Variants in C2orf42 observed in about 807,000 individuals in gnomAD.
C2orf42 encodes the protein uncharacterized protein C2orf42.
C2orf42 carries 44 observed loss-of-function variants against 58.9 expected under a neutral mutation model. The ratio of observed to expected loss-of-function variants is 0.75; its 90% confidence interval spans 0.59 to 0.96. C2orf42 has a LOEUF of 0.96. C2orf42 is among the 40% of genes least tolerant of loss of function. The pLI is 0.00. For synonymous variants in C2orf42, 239 were observed against 265.4 expected (o/e 0.90, Z 0.97); for missense variants, 630 against 699.2 (o/e 0.90, Z 1.12).
intron 1 of C2orf42, among the ~76,000 whole-genome samples, chr2:70,187,391 C>T (rs1675017715): frequency 6.6e-6 from 1 of 151,996 alleles, no homozygotes; most frequent in Admixed American, 6.6e-5. Flanking sequence ...GCGGGGATTA[C>T]AGGTACCTGC....
chr2:70,178,044 A>AAAAC (rs918925609), intron 4 of C2orf42, among the ~76,000 whole-genome samples: 17 of 152,258 alleles, frequency 1.1e-4, no homozygotes, highest in East Asian at 3.9e-4. Flanking sequence ...CATCTCTTAA[A>AAAAC]AAACAAACAA....
At chr2:70,151,094 G>C (rs1672282791) in intron 9 of C2orf42, among the ~76,000 whole-genome samples, 1 of 152,200 alleles carries the variant, frequency 6.6e-6, no homozygotes, top group Non-Finnish European at 1.5e-5. Context: ...GTTCATGCCT[G>C]TAATCCCAAC....
intron 5 of C2orf42, among the ~76,000 whole-genome samples, chr2:70,173,267 C>CTTTTTTTTTT (rs202063318): frequency 4.2e-5 from 4 of 95,750 alleles, no homozygotes; most frequent in African/African-American, 1.9e-4. Context: ...TGCGTAAGTT[C>CTTTTTTTTTT]TTTTTTTTTT....
At chr2:70,159,354 G>A (rs898544727) in intron 9 of C2orf42, among the ~76,000 whole-genome samples, 6 of 151,810 alleles carry the variant, frequency 4.0e-5, no homozygotes, top group Non-Finnish European at 7.4e-5. Flanking sequence ...TTGGGGGGCC[G>A]AGGTGGGCAG....
chr2:70,162,897 C>CGATCTTT (rs1673150968), intron 8 of C2orf42, among the ~76,000 whole-genome samples: 1 of 152,152 alleles, frequency 6.6e-6, no homozygotes. Context: ...GACGAAGTCT[C>CGATCTTT]GATCTTGTCC....
At chr2:70,153,605 C>T (rs1672450552) in intron 9 of C2orf42, among the ~76,000 whole-genome samples, 2 of 149,348 alleles carry the variant, frequency 1.3e-5, no homozygotes, top group South Asian at 2.1e-4. Flanking sequence ...GTGATCCACC[C>T]GCCTTGGCCT....
intron 4 of C2orf42, among the ~76,000 whole-genome samples, chr2:70,179,267 A>G (rs1340101998): frequency 6.9e-6 from 1 of 144,788 alleles, no homozygotes; most frequent in Non-Finnish European, 1.5e-5. Context: ...ACCCATAAGA[A>G]CAAAAACATA....
At chr2:70,174,159 T>G (rs960928309) in intron 5 of C2orf42, among the ~76,000 whole-genome samples, 2 of 151,910 alleles carry the variant, frequency 1.3e-5, no homozygotes, top group African/African-American at 4.8e-5. Flanking sequence ...AATACAAAAA[T>G]TAGCCGGGCA....
rs1412350389 is a variant in C2orf42 at position 70,165,521 on chromosome 2, C to T, written c.1252+7G>A. The T allele has an allele frequency of 2.1e-6, 3 of 1,453,282 alleles. No homozygotes were observed. Among genetic ancestry groups the T allele is most frequent in the Non-Finnish European group, 2.9e-6 (3 of 1,033,550 alleles). 90.0% of individuals were successfully genotyped at this position (1,453,282 alleles called of 1,614,324 possible). Reference sequence around the variant, plus strand: ...ATCCATCACTATACCAAAGGGAAATCCTGTACCTGTGGTGGAGTTGGGGAG... The same window carrying T: ...ATCCATCACTATACCAAAGGGAAATTCTGTACCTGTGGTGGAGTTGGGGAG... On this transcript the variant is annotated splice_region_variant and intron_variant, in intron 7 of 9. Coordinates refer to ENST00000264434, the MANE Select transcript of C2orf42 (RefSeq NM_017880.3).
At chr2:70,161,701 G>A (rs138645546) in intron 8 of C2orf42, among the ~76,000 whole-genome samples, 3,740 of 152,042 alleles carry the variant, frequency 0.025, 159 homozygotes, top group African/African-American at 0.086. Flanking sequence ...TTAGCCAGGC[G>A]TGGTGGCAGA....
chr2:70,168,880 T>C lies in C2orf42; in HGVS notation c.1144+677A>G, dbSNP rs147261108. On this transcript the variant is annotated intron_variant, in intron 6 of 9. Coordinates refer to ENST00000264434, the MANE Select transcript of C2orf42 (RefSeq NM_017880.3). Reference sequence around the variant, plus strand: ...GGCACCCACTATAATGCCTGGCTAATTGTTTTGTATTTTTAGTAGAGATAG... The same window carrying C: ...GGCACCCACTATAATGCCTGGCTAACTGTTTTGTATTTTTAGTAGAGATAG... 1.8e-3 allele frequency among the ~76,000 whole-genome samples: 273 copies of C among 151,966 alleles called. 9 individuals carry two copies. In the East Asian group the frequency reaches 0.049, roughly 27 times the overall value.
intron 6 of C2orf42, among the ~76,000 whole-genome samples, chr2:70,167,515 C>T (rs1260938335): frequency 3.3e-5 from 5 of 151,834 alleles, no homozygotes; most frequent in Non-Finnish European, 7.4e-5. Context: ...CCTAGGCAGG[C>T]GGATCACTTG....
chr2:70,185,724 T>A (rs1241859005), intron 1 of C2orf42, among the ~76,000 whole-genome samples: 4 of 150,786 alleles, frequency 2.7e-5, no homozygotes, highest in African/African-American at 7.3e-5. Flanking sequence ...AAAAAAAATA[T>A]ATATATATAC....
At chr2:70,151,680 A>G (rs1310885462) in intron 9 of C2orf42, among the ~76,000 whole-genome samples, 1 of 152,122 alleles carries the variant, frequency 6.6e-6, no homozygotes, top group East Asian at 1.9e-4. Flanking sequence ...TGGATTAATT[A>G]ATGTATATAC....
chr2:70,164,332 A>T (rs1016837143), intron 8 of C2orf42, among the ~76,000 whole-genome samples: 7 of 150,704 alleles, frequency 4.6e-5, no homozygotes, highest in African/African-American at 1.5e-4. Context: ...AAAAAAGACC[A>T]AAAAAAAATT....
chr2:70,167,841 G>C (rs1365980622), intron 6 of C2orf42, among the ~76,000 whole-genome samples: 1 of 152,136 alleles, frequency 6.6e-6, no homozygotes, highest in South Asian at 2.1e-4. Context: ...AATGGAGATG[G>C]TAAGATGGAA....
At chr2:70,164,929 G>A (rs539766051) in intron 8 of C2orf42, among the ~76,000 whole-genome samples, 163 bp downstream of exon 8, 4 of 151,938 alleles carry the variant, frequency 2.6e-5, no homozygotes, top group Admixed American at 1.3e-4. Context: ...ATTAAAATTG[G>A]AGTCAGAACT....
intron 4 of C2orf42, among the ~76,000 whole-genome samples, chr2:70,177,993 T>C (rs1384705803): frequency 6.6e-6 from 1 of 152,126 alleles, no homozygotes; most frequent in East Asian, 1.9e-4. Context: ...TGAGCCATGA[T>C]TGTGCCCCTG....
At chr2:70,184,948 G>T (rs1674832743) in intron 1 of C2orf42, among the ~76,000 whole-genome samples, 1 of 151,460 alleles carries the variant, frequency 6.6e-6, no homozygotes, top group African/African-American at 2.4e-5. Context: ...AAATTAGCCG[G>T]GCGTGGTGGC....
Sources: allele counts gnomAD v4.1 joint callset (sites outside exome capture counted in the v4.1 genomes callset), GRCh38; gene constraint gnomAD v4.1.1; transcripts MANE v1.5; gene names NCBI Gene and HGNC (gene_info 2026-07-23, HGNC 2026-07-21).